Variants in PTPN13 observed in about 807,000 individuals in gnomAD.
The protein encoded by PTPN13 is tyrosine-protein phosphatase non-receptor type 13.
Under a neutral mutation model 284.0 loss-of-function variants are expected in PTPN13, and 191 were observed. The ratio of observed to expected loss-of-function variants is 0.67; its 90% CI spans 0.60 to 0.76. The LOEUF is 0.76. Ranked by LOEUF, PTPN13 falls within the 30% of genes least tolerant of loss-of-function variation. The pLI is 0.00. For missense variants in PTPN13, 2,797 were observed against 2,939.9 expected (o/e 0.95, Z 1.12); for synonymous variants, 986 against 1,022.3 (o/e 0.96, Z 0.68).
At chr4:86,741,285 G>C (rs1736140931) in intron 15 of PTPN13, among the ~76,000 whole-genome samples, 1 of 152,204 alleles carries the variant, frequency 6.6e-6, no homozygotes, top group Admixed American at 6.5e-5. Flanking sequence ...TTGCAAAAGA[G>C]AGAGCTTTAA....
chr4:86,762,138 A>G (rs1287037625), intron 23 of PTPN13, among the ~76,000 whole-genome samples: 1 of 152,158 alleles, frequency 6.6e-6, no homozygotes, highest in East Asian at 1.9e-4. Context: ...ACGCCCAGCT[A>G]ATTTTTGTAT....
intron 1 of PTPN13, among the ~76,000 whole-genome samples, chr4:86,606,041 C>T (rs1284435955): frequency 6.6e-6 from 1 of 151,858 alleles, no homozygotes; most frequent in Non-Finnish European, 1.5e-5. Flanking sequence ...GAGGAAATCC[C>T]ACTGAGGCTG....
intron 1 of PTPN13, among the ~76,000 whole-genome samples, chr4:86,619,313 T>C (rs1720951261): frequency 6.6e-6 from 1 of 152,198 alleles, no homozygotes; most frequent in African/African-American, 2.4e-5. Flanking sequence ...ACATTATACA[T>C]CTATGTATAT....
chr4:86,648,743 C>A (rs1227993458), intron 2 of PTPN13, among the ~76,000 whole-genome samples: 1 of 152,116 alleles, frequency 6.6e-6, no homozygotes, highest in Non-Finnish European at 1.5e-5. Flanking sequence ...GGATAGATAC[C>A]TAGCAGTGGG....
intron 5 of PTPN13, among the ~76,000 whole-genome samples, chr4:86,690,617 T>A (rs943034815): frequency 4.6e-5 from 7 of 152,124 alleles, no homozygotes; most frequent in African/African-American, 1.7e-4. Flanking sequence ...GATTTGAGTT[T>A]CCTATTAGAC....
rs1045215903 is a variant in PTPN13 at position 86,613,918 on chromosome 4, C to T, written c.-6+19129C>T. Among the ~76,000 whole-genome samples, 3 of 152,058 alleles carry T rather than the reference C, an allele frequency of 2.0e-5. No individual in the cohort carries two copies. The East Asian group carries it at 5.8e-4, about 29-fold the overall frequency. On this transcript the variant is annotated intron_variant, in intron 1 of 47. Coordinates refer to ENST00000411767, the MANE Select transcript of PTPN13 (RefSeq NM_080683.3). ...CTGGGAAGTTAAATACCTAGAATTTCTGATCTCTGTATTGGAAGACAGATT... is the reference window on the plus strand; with the variant it reads ...CTGGGAAGTTAAATACCTAGAATTTTTGATCTCTGTATTGGAAGACAGATT...
intron 12 of PTPN13, among the ~76,000 whole-genome samples, chr4:86,733,517 A>G (rs1388797458): frequency 6.6e-6 from 1 of 152,140 alleles, no homozygotes; most frequent in Non-Finnish European, 1.5e-5. Context: ...TCTGTATCCT[A>G]AAAGAAATAT....
At chr4:86,715,869 G>A (rs777502588) in intron 7 of PTPN13, among the ~76,000 whole-genome samples, 1 of 152,156 alleles carries the variant, frequency 6.6e-6, no homozygotes, top group Non-Finnish European at 1.5e-5. Flanking sequence ...AGAGGGGATG[G>A]TTCAGAAATA....
chr4:86,725,330 C>A (rs1734121421), intron 10 of PTPN13, among the ~76,000 whole-genome samples: 2 of 149,322 alleles, frequency 1.3e-5, no homozygotes, highest in African/African-American at 2.4e-5. Context: ...TGGGTATATA[C>A]CCAGTAATAG....
chr4:86,780,495 G>C, intron 36 of PTPN13, 23 bp downstream of exon 36: 2 of 1,474,498 alleles, frequency 1.4e-6, no homozygotes, highest in South Asian at 2.3e-5. Context: ...TCATTTTACT[G>C]TACTCTCCTA....
intron 47 of PTPN13, among the ~76,000 whole-genome samples, chr4:86,812,092 C>T (rs1053099984): frequency 1.3e-5 from 2 of 151,858 alleles, no homozygotes; most frequent in Non-Finnish European, 2.9e-5. Flanking sequence ...GGGCGGATCA[C>T]GAGGTCAGGA....
chr4:86,690,482 T>C (rs1001586838), intron 5 of PTPN13, among the ~76,000 whole-genome samples: 1 of 152,126 alleles, frequency 6.6e-6, no homozygotes, highest in Admixed American at 6.6e-5. Context: ...AGAATAGGCA[T>C]GTAAATAAAG....
chr4:86,629,639 T>C (rs1025126023), intron 1 of PTPN13, among the ~76,000 whole-genome samples: 1 of 152,234 alleles, frequency 6.6e-6, no homozygotes, highest in African/African-American at 2.4e-5. Context: ...ATTGGCTAAC[T>C]GAAGTCACCA....
intron 10 of PTPN13, among the ~76,000 whole-genome samples, chr4:86,730,618 A>G (rs1734826732): frequency 6.7e-6 from 1 of 149,850 alleles, no homozygotes; most frequent in Non-Finnish European, 1.5e-5. Flanking sequence ...TGAGCCAGGA[A>G]CGGGAGAAAA....
At chr4:86,741,577 A>G in intron 15 of PTPN13, 57 bp from the exon 16 acceptor site, 2 of 1,476,528 alleles carry the variant, frequency 1.4e-6, no homozygotes, top group African/African-American at 1.4e-5. Flanking sequence ...CAGCTTCAAT[A>G]TCTTTATGTC....
At chr4:86,734,636 A>G in intron 13 of PTPN13, 101 bp from the exon 14 acceptor site, 1 of 1,359,072 alleles carries the variant, frequency 7.4e-7, no homozygotes. Context: ...TAATAAGCTT[A>G]GTAATAAACT....
intron 19 of PTPN13, 88 bp from the exon 20 acceptor site, chr4:86,752,921 G>T: frequency 1.1e-6 from 1 of 924,314 alleles, no homozygotes; most frequent in South Asian, 2.0e-5. Context: ...TTGTTCTATT[G>T]ATTTTTATGA....
At chr4:86,702,700 T>C (rs1334227750) in intron 7 of PTPN13, among the ~76,000 whole-genome samples, 3 of 152,146 alleles carry the variant, frequency 2.0e-5, no homozygotes, top group Non-Finnish European at 4.4e-5. Flanking sequence ...AGATGTGACA[T>C]ATAGAGGCTA....
intron 10 of PTPN13, among the ~76,000 whole-genome samples, chr4:86,729,954 C>T (rs1734749590): frequency 6.7e-6 from 1 of 149,240 alleles, no homozygotes; most frequent in South Asian, 2.1e-4. Context: ...CTTTTCTGCT[C>T]TGTGGTTTTA....
Sources: gnomAD v4.1 joint callset for allele counts (sites outside exome capture counted in the v4.1 genomes callset) on GRCh38, gnomAD v4.1.1 for gene constraint, MANE v1.5 for transcripts, NCBI Gene and HGNC (gene_info 2026-07-23, HGNC 2026-07-21) for gene names.